TMEM181: variants seen among roughly 807,000 people sequenced by gnomAD.
The protein encoded by TMEM181 is G protein-coupled receptor 178.
Under a neutral mutation model 71.9 loss-of-function variants are expected in TMEM181, and 39 were observed. The ratio of observed to expected loss-of-function variants is 0.54; its 90% CI spans 0.42 to 0.71. The LOEUF (loss-of-function observed/expected upper bound fraction) is 0.71, where lower values mean the gene tolerates loss of function less well. Among genes scored for constraint, TMEM181 ranks in the 30% least tolerant of loss-of-function variants. The pLI is 0.00. For synonymous variants in TMEM181, 245 were observed against 228.8 expected (o/e 1.07, Z -0.64); for missense variants, 595 against 583.0 (o/e 1.02, Z -0.21).
At chr6:158,580,303 C>T (rs1430017213) in intron 2 of TMEM181, among the ~76,000 whole-genome samples, 1 of 151,910 alleles carries the variant, frequency 6.6e-6, no homozygotes, top group Non-Finnish European at 1.5e-5. Context: ...GCACTCCAGC[C>T]TGGGCAACAA....
Position 158,631,906 on chromosome 6 carries a change from G to T in TMEM181, c.*18G>T. On this transcript the variant is annotated 3_prime_UTR_variant, in exon 17 of 17. Transcript: ENST00000684151. ...GTGACTGAGCCCCGGCCAGCCCAGCGAGGCGACAAGATGCCTGGATGCTTT... is the reference window on the plus strand; with the variant it reads ...GTGACTGAGCCCCGGCCAGCCCAGCTAGGCGACAAGATGCCTGGATGCTTT... 6.4e-7 allele frequency: 1 copy of T among 1,568,246 alleles called. No individual in the cohort carries two copies. Among genetic ancestry groups the T allele is most frequent in the Admixed American group, 1.9e-5 (1 of 53,546 alleles).
At chr6:158,539,339 A>G (rs1306343737) in intron 1 of TMEM181, among the ~76,000 whole-genome samples, 8 of 152,228 alleles carry the variant, frequency 5.3e-5, no homozygotes, top group African/African-American at 1.9e-4. Context: ...TTTTATATCA[A>G]TGGATTGTCG....
intron 5 of TMEM181, among the ~76,000 whole-genome samples, chr6:158,586,663 A>T (rs1206407798): frequency 2.0e-5 from 3 of 152,130 alleles, no homozygotes; most frequent in Non-Finnish European, 4.4e-5. Context: ...GAAAGAATTC[A>T]AGGGCTAGGC....
intron 5 of TMEM181, among the ~76,000 whole-genome samples, chr6:158,587,599 G>C (rs191502081): frequency 1.3e-5 from 2 of 151,398 alleles, no homozygotes; most frequent in Admixed American, 1.3e-4. Flanking sequence ...CAAGTAGCTA[G>C]GATGACAGGT....
chr6:158,623,792 G>A (rs979232687), intron 11 of TMEM181, among the ~76,000 whole-genome samples, 185 bp downstream of exon 11: 2 of 149,010 alleles, frequency 1.3e-5, no homozygotes, highest in South Asian at 4.2e-4. Flanking sequence ...TTGGAGTCTT[G>A]CTCTGTCGCC....
chr6:158,579,287 T>C (rs1170207919), intron 2 of TMEM181, among the ~76,000 whole-genome samples: 1 of 149,538 alleles, frequency 6.7e-6, no homozygotes, highest in African/African-American at 2.5e-5. Context: ...AAGCAGGGTC[T>C]TGATATTTGT....
intron 6 of TMEM181, among the ~76,000 whole-genome samples, chr6:158,603,909 G>C (rs1180599213): frequency 6.6e-6 from 1 of 152,160 alleles, no homozygotes; most frequent in Non-Finnish European, 1.5e-5. Flanking sequence ...TTTGTTCTGG[G>C]ACGTTGTTAA....
chr6:158,602,600 A>G (rs1301147667), intron 6 of TMEM181, among the ~76,000 whole-genome samples: 1 of 148,218 alleles, frequency 6.7e-6, no homozygotes, highest in Non-Finnish European at 1.5e-5. Context: ...TTTACATTGC[A>G]GTTTTAATTT....
intron 1 of TMEM181, chr6:158,536,945 C>A: frequency 1.8e-6 from 2 of 1,131,262 alleles, no homozygotes; most frequent in Non-Finnish European, 2.2e-6. Flanking sequence ...CGCGCCCCGG[C>A]CTTGGCCTGG....
intron 10 of TMEM181, among the ~76,000 whole-genome samples, chr6:158,622,476 C>T (rs918573344): frequency 6.6e-6 from 1 of 152,090 alleles, no homozygotes; most frequent in African/African-American, 2.4e-5. Context: ...GGCCGACTGA[C>T]GGGCGAGCCA....
chr6:158,617,977 GT>G (rs931653911), intron 10 of TMEM181, among the ~76,000 whole-genome samples: 1 of 152,234 alleles, frequency 6.6e-6, no homozygotes, highest in Non-Finnish European at 1.5e-5. Context: ...GGAGAGTTCT[GT>G]AGATGTCTGT....
rs372941133 is a variant in TMEM181 at position 158,623,707 on chromosome 6, A to C, written c.954+100A>C. On this transcript the variant is annotated intron_variant, in intron 11 of 16. Transcript: ENST00000684151. ...AATTGTTCTGTTGAGCTTTTTGCTA[A>C]CTGACTACTTGGGAAGGACTACATA... 195 of 828,130 alleles carry C rather than the reference A, an allele frequency of 2.4e-4. No individual in the cohort carries two copies. The South Asian group carries it at 3.6e-3, about 15-fold the overall frequency. The allele number at this position is 828,130 out of a possible 1,614,324, so 51.3% of individuals were successfully genotyped here. A position where few individuals can be genotyped will look rare whatever the true frequency, so the allele number is the denominator to read the frequency against.
intron 1 of TMEM181, among the ~76,000 whole-genome samples, chr6:158,560,863 A>G (rs989748078): frequency 2.0e-5 from 3 of 151,702 alleles, no homozygotes; most frequent in Non-Finnish European, 2.9e-5. Flanking sequence ...TTTAATGAGG[A>G]AAAACCTGTT....
intron 11 of TMEM181, among the ~76,000 whole-genome samples, chr6:158,623,846 C>T (rs1374713484): frequency 1.3e-5 from 2 of 152,038 alleles, no homozygotes; most frequent in South Asian, 2.1e-4. Context: ...CTGCAGCCTC[C>T]GCCTCCTGGG....
At chr6:158,560,996 T>C (rs1024552165) in intron 1 of TMEM181, among the ~76,000 whole-genome samples, 1 of 151,748 alleles carries the variant, frequency 6.6e-6, no homozygotes, top group African/African-American at 2.4e-5. Context: ...CCGCGTGGAG[T>C]TGCAGAAAGT....
At chr6:158,626,820 A>G in intron 13 of TMEM181, 1 of 403,740 alleles carries the variant, frequency 2.5e-6, no homozygotes, top group South Asian at 1.7e-5. Flanking sequence ...ACCCACCCTC[A>G]CACACACACC....
At chr6:158,630,836 C>T (rs527264167) in intron 15 of TMEM181, among the ~76,000 whole-genome samples, 87 of 152,282 alleles carry the variant, frequency 5.7e-4, no homozygotes, top group Non-Finnish European at 1.1e-3. Flanking sequence ...CCGCACCCCC[C>T]GACATCTTAT....
rs1177639061 is a variant in TMEM181 at position 158,625,151 on chromosome 6, C to T, written c.1002C>T (p.Tyr334=). ...FMVVAAVYIL[Y]LLFLIVRACS... ...TGGTGGCAGCGGTGTACATTCTGTA[C>T]CTCTTGTTCTTGATAGTGCGGGCGT... is the stretch of plus-strand genomic sequence containing the variant. The change falls in exon 12 of 17, where the codon TAC becomes TAT. Residue 334 remains tyrosine (Y), a synonymous_variant. Transcript: ENST00000684151. The T allele has an allele frequency of 5.6e-6, 9 of 1,614,048 alleles. No individual in the cohort carries two copies. The highest frequency in any genetic ancestry group is 1.6e-4 in the Middle Eastern group (1 of 6,084).
chr6:158,582,388 T>G (rs1783530894), intron 3 of TMEM181, among the ~76,000 whole-genome samples: 1 of 152,218 alleles, frequency 6.6e-6, no homozygotes, highest in Non-Finnish European at 1.5e-5. Context: ...TGATGGTTTT[T>G]AGGCAAATCT....
Sources: gnomAD v4.1 joint callset for allele counts (sites outside exome capture counted in the v4.1 genomes callset) on GRCh38, gnomAD v4.1.1 for gene constraint, MANE v1.5 for transcripts, NCBI Gene and HGNC (gene_info 2026-07-23, HGNC 2026-07-21) for gene names.